CCDC91: variants seen among roughly 807,000 people sequenced by gnomAD.
CCDC91 encodes the protein coiled-coil domain-containing protein 91.
In CCDC91, 48 loss-of-function variants were observed where a neutral mutation model predicts 63.2. That is an observed-to-expected ratio of 0.76 (90% CI 0.60 to 0.97). CCDC91 has a LOEUF of 0.97. CCDC91 is among the 50% of genes least tolerant of loss of function. The pLI is 0.00. For missense variants in CCDC91, 500 were observed against 494.6 expected (o/e 1.01, Z -0.10); for synonymous variants, 167 against 165.8 (o/e 1.01, Z -0.06).
intron 3 of CCDC91, among the ~76,000 whole-genome samples, chr12:28,287,327 T>G (rs1003401753): frequency 6.6e-6 from 1 of 152,182 alleles, no homozygotes; most frequent in African/African-American, 2.4e-5. Flanking sequence ...CTTCCAGAGA[T>G]TTTATAGTTT....
At position 28,316,227 on chromosome 12, in the gene CCDC91, A is replaced by G. The variant is rs193017505; in HGVS notation, c.576+8478A>G. 9.2e-5 allele frequency among the ~76,000 whole-genome samples: 14 copies of G among 151,962 alleles called. No homozygotes were observed. In the East Asian group the frequency reaches 2.7e-3, roughly 30 times the overall value. ...TTTATTCTCTGACTGTGTCTTCCTT[A>G]TGGTGACTCCTGTTATTTGTATGTT... On this transcript the variant is annotated intron_variant, in intron 6 of 12. Coordinates refer to ENST00000536442, the MANE Select transcript of CCDC91 (RefSeq NM_018318.5).
At chr12:28,202,610 A>C (rs185286645) in intron 1 of CCDC91, among the ~76,000 whole-genome samples, 45 of 152,234 alleles carry the variant, frequency 3.0e-4, no homozygotes, top group Non-Finnish European at 4.9e-4. Flanking sequence ...CTCTGTGTGC[A>C]TGATGGGGCA....
intron 6 of CCDC91, among the ~76,000 whole-genome samples, chr12:28,323,452 A>G (rs986673830): frequency 5.3e-5 from 8 of 151,740 alleles, no homozygotes; most frequent in African/African-American, 1.9e-4. Context: ...ATATACTTAG[A>G]TATATTCTAG....
chr12:28,373,641 A>G (rs1944760939), intron 7 of CCDC91, among the ~76,000 whole-genome samples: 1 of 151,834 alleles, frequency 6.6e-6, no homozygotes, highest in African/African-American at 2.4e-5. Flanking sequence ...ATGCTTCTCA[A>G]TTTGTTGTAA....
chr12:28,347,639 G>A (rs1038849886), intron 6 of CCDC91, among the ~76,000 whole-genome samples: 3 of 152,098 alleles, frequency 2.0e-5, no homozygotes, highest in East Asian at 1.9e-4. Context: ...CCCCCATCAG[G>A]CCCTTTAGAA....
chr12:28,519,931 G>C (rs1176988087), intron 12 of CCDC91, among the ~76,000 whole-genome samples: 2 of 151,904 alleles, frequency 1.3e-5, no homozygotes, highest in South Asian at 2.1e-4. Context: ...AGTATTCCAT[G>C]GTGTATATGA....
At chr12:28,458,957 AAAGAT>A (rs973657614) in intron 11 of CCDC91, among the ~76,000 whole-genome samples, 2 of 152,098 alleles carry the variant, frequency 1.3e-5, no homozygotes, top group African/African-American at 4.8e-5. Context: ...CTATAAGATA[AAAGAT>A]AAGATAAAAG....
chr12:28,470,506 C>A (rs1566023411), intron 11 of CCDC91, among the ~76,000 whole-genome samples: 2 of 152,040 alleles, frequency 1.3e-5, no homozygotes, highest in African/African-American at 2.4e-5. Context: ...ATTAGTACAG[C>A]CACTGTGGAG....
chr12:28,263,898 C>G (rs1254879861), intron 3 of CCDC91, among the ~76,000 whole-genome samples: 1 of 151,740 alleles, frequency 6.6e-6, no homozygotes, highest in Non-Finnish European at 1.5e-5. Context: ...GTCTTTCTAT[C>G]ATAAGTTGAA....
At chr12:28,256,516 A>G (rs1042879029) in intron 1 of CCDC91, among the ~76,000 whole-genome samples, 3 of 151,768 alleles carry the variant, frequency 2.0e-5, no homozygotes, top group Non-Finnish European at 4.4e-5. Flanking sequence ...AGCAAATAAT[A>G]TTTGAGTGCT....
intron 11 of CCDC91, among the ~76,000 whole-genome samples, chr12:28,469,461 T>C (rs1428962287): frequency 6.6e-6 from 1 of 152,022 alleles, no homozygotes; most frequent in Non-Finnish European, 1.5e-5. Context: ...GGAAAGATAT[T>C]CTGCATCCAT....
intron 8 of CCDC91, among the ~76,000 whole-genome samples, chr12:28,435,353 G>GT (rs1015357345): frequency 1.7e-4 from 26 of 151,322 alleles, no homozygotes; most frequent in African/African-American, 5.1e-4. Flanking sequence ...CTTGAGACAT[G>GT]TTTTTTATCC....
chr12:28,347,167 C>T (rs1185596527), intron 6 of CCDC91, among the ~76,000 whole-genome samples: 5 of 152,184 alleles, frequency 3.3e-5, no homozygotes, highest in Non-Finnish European at 7.4e-5. Flanking sequence ...TGAGGCCATT[C>T]ACGTTTGCAG....
chr12:28,335,925 AG>A (rs1284954882), intron 6 of CCDC91, among the ~76,000 whole-genome samples: 2 of 151,634 alleles, frequency 1.3e-5, no homozygotes, highest in Admixed American at 1.3e-4. Flanking sequence ...CATGGCCTAT[AG>A]AAAAGTTTGG....
At chr12:28,388,469 A>G (rs902062926) in intron 7 of CCDC91, among the ~76,000 whole-genome samples, 4 of 152,172 alleles carry the variant, frequency 2.6e-5, no homozygotes, top group Non-Finnish European at 4.4e-5. Flanking sequence ...GCCAACAGCA[A>G]CCAAACTGAG....
At chr12:28,520,463 G>A (rs528166696) in intron 12 of CCDC91, among the ~76,000 whole-genome samples, 1 of 152,090 alleles carries the variant, frequency 6.6e-6, no homozygotes, top group South Asian at 2.1e-4. Flanking sequence ...TGTAGATTCT[G>A]GATATTAGCC....
intron 1 of CCDC91, among the ~76,000 whole-genome samples, chr12:28,197,249 C>T (rs1346862357): frequency 6.6e-6 from 1 of 152,008 alleles, no homozygotes; most frequent in Non-Finnish European, 1.5e-5. Context: ...CTTTGAATTT[C>T]AGAAACAGAG....
chr12:28,379,395 C>A (rs534185670), intron 7 of CCDC91, among the ~76,000 whole-genome samples: 1 of 149,216 alleles, frequency 6.7e-6, no homozygotes, highest in East Asian at 2.0e-4. Flanking sequence ...TTTTTGCAGT[C>A]TACCCATCTG....
chr12:28,393,207 C>G (rs533724953), intron 8 of CCDC91, among the ~76,000 whole-genome samples: 14 of 152,146 alleles, frequency 9.2e-5, no homozygotes, highest in African/African-American at 3.4e-4. Flanking sequence ...ATTTCTGAAC[C>G]TGCTTCCTGT....
Sources: gnomAD v4.1 joint callset for allele counts (sites outside exome capture counted in the v4.1 genomes callset) on GRCh38, gnomAD v4.1.1 for gene constraint, MANE v1.5 for transcripts, NCBI Gene and HGNC (gene_info 2026-07-23, HGNC 2026-07-21) for gene names.